ASXL3: variants seen among roughly 807,000 people sequenced by gnomAD.
The protein encoded by ASXL3 is ASXL transcriptional regulator 3.
ASXL3 carries 34 observed loss-of-function variants against 170.6 expected under a neutral mutation model. That is an observed-to-expected ratio of 0.20 (90% CI 0.15 to 0.27). The LOEUF (loss-of-function observed/expected upper bound fraction) is 0.27. Among genes scored for constraint, ASXL3 ranks in the 10% least tolerant of loss-of-function variants. The pLI is 1.00. For synonymous variants in ASXL3, 1,002 were observed against 989.1 expected (o/e 1.01, Z -0.24); for missense variants, 2,592 against 2,695.3 (o/e 0.96, Z 0.85).
At chr18:33,602,770 A>C (rs1426682179) in intron 1 of ASXL3, among the ~76,000 whole-genome samples, 2 of 150,790 alleles carry the variant, frequency 1.3e-5, no homozygotes, top group African/African-American at 4.9e-5. Context: ...TGTTAATAAT[A>C]CTTCTCTATG....
intron 2 of ASXL3, among the ~76,000 whole-genome samples, chr18:33,636,381 C>T (rs1289582603): frequency 1.3e-5 from 2 of 151,954 alleles, no homozygotes; most frequent in African/African-American, 4.8e-5. Flanking sequence ...GCCACAGCCA[C>T]AGTGAATGGC....
At chr18:33,693,588 C>G (rs749094094) in intron 8 of ASXL3, among the ~76,000 whole-genome samples, 1 of 151,924 alleles carries the variant, frequency 6.6e-6, no homozygotes, top group Admixed American at 6.6e-5. Flanking sequence ...GTAAAAAGGC[C>G]GTGAAAAGTG....
intron 8 of ASXL3, among the ~76,000 whole-genome samples, chr18:33,717,311 A>T (rs545651141): frequency 6.6e-5 from 10 of 152,158 alleles, no homozygotes; most frequent in African/African-American, 9.6e-5. Flanking sequence ...AAATATCATG[A>T]TATCTGTGTT....
intron 2 of ASXL3, among the ~76,000 whole-genome samples, chr18:33,631,168 A>G (rs2065671161): frequency 6.6e-6 from 1 of 152,090 alleles, no homozygotes; most frequent in Non-Finnish European, 1.5e-5. Context: ...TTAATATGCT[A>G]GAGGTATTAT....
At chr18:33,729,371 C>T (rs984154753) in intron 8 of ASXL3, among the ~76,000 whole-genome samples, 1 of 152,130 alleles carries the variant, frequency 6.6e-6, no homozygotes, top group Non-Finnish European at 1.5e-5. Context: ...GCTGTACCTG[C>T]AGGGGAACTT....
chr18:33,608,350 A>T lies in ASXL3; in HGVS notation c.137+674A>T, dbSNP rs899760200. Among the ~76,000 whole-genome samples the T allele has an allele frequency of 2.0e-5, 3 of 151,934 alleles. No homozygotes were observed. In the East Asian group the frequency reaches 5.8e-4, roughly 29 times the overall value. On this transcript the variant is annotated intron_variant, in intron 2 of 11. Coordinates refer to ENST00000269197, the MANE Select transcript of ASXL3 (RefSeq NM_030632.3). Reference sequence around the variant, plus strand: ...TGTCTCTATGGACTTGCTATTCTAGATATTTAATATAAGTGGAATCATCTA... The same window carrying T: ...TGTCTCTATGGACTTGCTATTCTAGTTATTTAATATAAGTGGAATCATCTA...
chr18:33,733,069 A>G (rs1204156495), intron 9 of ASXL3, among the ~76,000 whole-genome samples: 2 of 152,094 alleles, frequency 1.3e-5, no homozygotes, highest in South Asian at 2.1e-4. Context: ...AGGATCTCCT[A>G]TTCTTCCATC....
intron 5 of ASXL3, among the ~76,000 whole-genome samples, chr18:33,662,245 G>A (rs1021221854): frequency 8.5e-5 from 13 of 152,210 alleles, no homozygotes; most frequent in African/African-American, 9.6e-5. Flanking sequence ...TTATTCTGCC[G>A]TCACAGAGGC....
intron 1 of ASXL3, among the ~76,000 whole-genome samples, chr18:33,595,998 T>A (rs1261336242): frequency 6.6e-6 from 1 of 152,074 alleles, no homozygotes; most frequent in Non-Finnish European, 1.5e-5. Context: ...ACTGAGTACA[T>A]CAATTCTTTC....
chr18:33,642,854 A>G (rs761055848), intron 2 of ASXL3, among the ~76,000 whole-genome samples: 1 of 151,866 alleles, frequency 6.6e-6, no homozygotes, highest in Non-Finnish European at 1.5e-5. Context: ...AATTATAGTA[A>G]TGTTACATTT....
Position 33,745,900 on chromosome 18 carries a change from C to T in ASXL3, c.6052C>T (p.Pro2018Ser), listed in dbSNP as rs1174199140. 1 of 1,608,860 alleles carries T rather than the reference C, an allele frequency of 6.2e-7. No individual in the cohort carries two copies. Among genetic ancestry groups the T allele is most frequent in the Non-Finnish European group, 8.5e-7 (1 of 1,178,842 alleles). ...TMPNKALVHP[P>S]PPPPPPPPPP... Reference sequence around the variant, plus strand: ...GCCAAACAAAGCACTAGTACATCCGCCGCCGCCACCGCCTCCCCCTCCCCC... The same window carrying T: ...GCCAAACAAAGCACTAGTACATCCGTCGCCGCCACCGCCTCCCCCTCCCCC... The change falls in exon 12 of 12, where the codon CCG becomes TCG. Residue 2018 changes from proline (P) to serine (S), a missense_variant. Transcript: ENST00000269197.
At chr18:33,680,893 T>A (rs1199170109) in intron 7 of ASXL3, among the ~76,000 whole-genome samples, 2 of 152,034 alleles carry the variant, frequency 1.3e-5, no homozygotes, top group Non-Finnish European at 2.9e-5. Flanking sequence ...AGTAAATGGA[T>A]GTTGTTACTT....
chr18:33,718,299 C>T (rs567121502), intron 8 of ASXL3, among the ~76,000 whole-genome samples: 50 of 152,028 alleles, frequency 3.3e-4, no homozygotes, highest in Admixed American at 1.4e-3. Flanking sequence ...TCAAACATAC[C>T]CAGCTCATGT....
intron 10 of ASXL3, 49 bp from the exon 11 acceptor site, chr18:33,738,438 C>A (rs776382155): frequency 1.3e-6 from 2 of 1,508,378 alleles, no homozygotes; most frequent in Admixed American, 2.2e-5. Flanking sequence ...CCAGTTGTAC[C>A]TTTTATGTTT....
At chr18:33,714,190 G>A (rs976983746) in intron 8 of ASXL3, among the ~76,000 whole-genome samples, 6 of 152,160 alleles carry the variant, frequency 3.9e-5, no homozygotes, top group East Asian at 1.9e-4. Flanking sequence ...CCTGGATGTC[G>A]TCACTTTTTC....
intron 3 of ASXL3, 70 bp from the exon 4 acceptor site, chr18:33,646,175 C>T (rs543599535): frequency 1.8e-5 from 21 of 1,152,824 alleles, no homozygotes; most frequent in South Asian, 2.6e-5. Flanking sequence ...TAGGATTCTG[C>T]AAGTATTTTG....
intron 2 of ASXL3, among the ~76,000 whole-genome samples, chr18:33,626,115 A>G (rs1025650548): frequency 4.6e-5 from 7 of 152,098 alleles, no homozygotes; most frequent in African/African-American, 1.7e-4. Flanking sequence ...AAAAAAAAAC[A>G]GTGAATTCTC....
chr18:33,741,142 C>G (rs1252855011), intron 11 of ASXL3, among the ~76,000 whole-genome samples: 1 of 151,960 alleles, frequency 6.6e-6, no homozygotes, highest in African/African-American at 2.4e-5. Context: ...GCATTAAGTT[C>G]AATTAAAAAC....
chr18:33,637,451 A>T (rs1200879099), intron 2 of ASXL3, among the ~76,000 whole-genome samples: 1 of 152,142 alleles, frequency 6.6e-6, no homozygotes, highest in Non-Finnish European at 1.5e-5. Flanking sequence ...TTTGAGCAAC[A>T]CTTGGGACAG....
Sources: allele counts gnomAD v4.1 joint callset (sites outside exome capture counted in the v4.1 genomes callset), GRCh38; gene constraint gnomAD v4.1.1; transcripts MANE v1.5; gene names NCBI Gene and HGNC (gene_info 2026-07-23, HGNC 2026-07-21).